RFC3: variants seen among roughly 807,000 people sequenced by gnomAD.
RFC3 encodes the protein A1 38 kDa subunit.
In RFC3, 41 loss-of-function variants were observed where a neutral mutation model predicts 45.1. The observed-to-expected ratio is 0.91, with a 90% confidence interval of 0.71 to 1.18. RFC3 has a LOEUF of 1.18. Among genes scored for constraint, RFC3 ranks in the 50% most tolerant of loss-of-function variants. RFC3 has a pLI of 0.00. For synonymous variants in RFC3, 149 were observed against 144.0 expected (o/e 1.03, Z -0.25); for missense variants, 423 against 428.1 (o/e 0.99, Z 0.10).
intron 8 of RFC3, among the ~76,000 whole-genome samples, chr13:33,862,617 A>G (rs2082348352): frequency 6.6e-6 from 1 of 152,188 alleles, no homozygotes; most frequent in African/African-American, 2.4e-5. Flanking sequence ...GTTAAAATAT[A>G]CAGGTAAATA....
At chr13:33,966,009 C>G in intron 8 of RFC3, 1 of 1,056,714 alleles carries the variant, frequency 9.5e-7, no homozygotes, top group Non-Finnish European at 1.5e-6. Context: ...ATTACACATC[C>G]TTTGTATCCT....
chr13:33,839,711 G>A (rs556795692), downstream of RFC3, among the ~76,000 whole-genome samples: 4 of 152,120 alleles, frequency 2.6e-5, no homozygotes, highest in Non-Finnish European at 5.9e-5. Context: ...CATTGCTTTT[G>A]TAGACTCAAA....
chr13:33,884,214 C>A (rs2082505130), intron 8 of RFC3, among the ~76,000 whole-genome samples: 1 of 152,228 alleles, frequency 6.6e-6, no homozygotes, highest in Non-Finnish European at 1.5e-5. Context: ...AAACTCTATT[C>A]TCGACCTCTC....
At chr13:33,868,199 A>G (rs1566008906) in intron 8 of RFC3, among the ~76,000 whole-genome samples, 1 of 152,136 alleles carries the variant, frequency 6.6e-6, no homozygotes, top group African/African-American at 2.4e-5. Flanking sequence ...GACATCAGCT[A>G]TTGTTCGGAA....
intron 4 of RFC3, 125 bp from the exon 5 acceptor site, chr13:33,829,711 T>G: frequency 1.4e-6 from 1 of 730,620 alleles, no homozygotes; most frequent in Admixed American, 2.5e-5. Flanking sequence ...TCTTTGCCAA[T>G]GGGAAGAGTA....
At chr13:33,833,120 G>A (rs1189865879) in intron 7 of RFC3, among the ~76,000 whole-genome samples, 1 of 152,124 alleles carries the variant, frequency 6.6e-6, no homozygotes, top group Non-Finnish European at 1.5e-5. Context: ...GGGCTGGCCA[G>A]AAATCCTGGA....
rs921541406 is a variant in RFC3, at chr13:33,924,541, G to C, written c.880-41546G>C. 2.0e-5 allele frequency among the ~76,000 whole-genome samples: 3 copies of C among 151,428 alleles called. No homozygotes were observed. The East Asian group carries it at 5.8e-4, about 29-fold the overall frequency. ...GCAAGGCCTGAAACATTTACTGTTT[G>C]GCCCTATATATAAAAAGTTTGCTTC... On this transcript the variant is annotated intron_variant, in intron 8 of 8. Transcript: ENST00000434425.
chr13:33,951,108 A>T (rs1233980949), intron 8 of RFC3, among the ~76,000 whole-genome samples: 2 of 140,358 alleles, frequency 1.4e-5, no homozygotes, highest in Admixed American at 1.5e-4. Context: ...TTTGGTGGTA[A>T]ATCACTCTCT....
chr13:33,914,377 A>G (rs555478040), intron 8 of RFC3, among the ~76,000 whole-genome samples: 97 of 152,238 alleles, frequency 6.4e-4, no homozygotes, highest in African/African-American at 2.1e-3. Context: ...CTTTCATGCA[A>G]ACTTTCTTCT....
intron 4 of RFC3, among the ~76,000 whole-genome samples, chr13:33,826,641 T>C (rs2082051719): frequency 6.6e-6 from 1 of 152,184 alleles, no homozygotes; most frequent in Non-Finnish European, 1.5e-5. Flanking sequence ...TGGAGTCTTA[T>C]ATTTTCTGAA....
chr13:33,948,275 G>A (rs2082966794), intron 8 of RFC3, among the ~76,000 whole-genome samples: 1 of 152,224 alleles, frequency 6.6e-6, no homozygotes, highest in African/African-American at 2.4e-5. Context: ...GAGGGTTCAA[G>A]CTTTAAGCCT....
the RFC3 span, among the ~76,000 whole-genome samples, chr13:33,975,798 T>C: frequency 6.6e-6 from 1 of 152,194 alleles, no homozygotes; most frequent in African/African-American, 2.4e-5. Context: ...ACATGTATAC[T>C]AGAATTGAAC....
intron 8 of RFC3, among the ~76,000 whole-genome samples, chr13:33,942,471 A>G (rs577247913): frequency 6.6e-6 from 1 of 152,242 alleles, no homozygotes; most frequent in South Asian, 2.1e-4. Flanking sequence ...TGTGTTAGGA[A>G]CATTCCATAC....
At chr13:33,928,785 A>G (rs2082832668) in intron 8 of RFC3, among the ~76,000 whole-genome samples, 2 of 151,998 alleles carry the variant, frequency 1.3e-5, no homozygotes, top group African/African-American at 4.8e-5. Context: ...CTAGGCAGGT[A>G]TATGTCTGTT....
At chr13:33,881,233 T>C (rs2082481561) in intron 8 of RFC3, among the ~76,000 whole-genome samples, 1 of 152,210 alleles carries the variant, frequency 6.6e-6, no homozygotes, top group Admixed American at 6.5e-5. Flanking sequence ...GTCATTTTGG[T>C]TCATGCTGAT....
rs373471019 is a variant in RFC3, at chr13:33,818,358, A to T, written c.87+93A>T. The stretch of plus-strand genomic sequence containing the variant: ...GAGGAGCAGTGCTTCTCCCGCCCGC[A>T]TTGGAAGGTGATAAGTGCTATGGAG... On this transcript the variant is annotated intron_variant, in intron 1 of 8. Coordinates refer to ENST00000380071, the MANE Select transcript of RFC3 (RefSeq NM_002915.4). 5 of 972,586 alleles carry T rather than the reference A, an allele frequency of 5.1e-6. No individual in the cohort carries two copies. The East Asian group carries it at 1.2e-4, about 24-fold the overall frequency. 60.2% of individuals were successfully genotyped at this position (972,586 alleles called of 1,614,324 possible).
intron 8 of RFC3, among the ~76,000 whole-genome samples, chr13:33,863,684 G>A (rs1357963976): frequency 6.6e-6 from 1 of 152,212 alleles, no homozygotes; most frequent in Admixed American, 6.5e-5. Context: ...GCTTGATACT[G>A]CGTGGATACA....
chr13:33,843,456 G>T (rs9528212), intron 8 of RFC3, among the ~76,000 whole-genome samples: 134,406 of 152,206 alleles, frequency 0.88, 59,707 homozygotes, highest in Non-Finnish European at 0.94. Context: ...ATTAGCTGAT[G>T]GCCCACTGAA....
At chr13:33,833,504 T>G (rs2139418361) in intron 7 of RFC3, among the ~76,000 whole-genome samples, 1 of 152,210 alleles carries the variant, frequency 6.6e-6, no homozygotes, top group Admixed American at 6.5e-5. Flanking sequence ...TGTAAGCTAT[T>G]AGGAAATAAT....
Sources: allele counts gnomAD v4.1 joint callset (sites outside exome capture counted in the v4.1 genomes callset), GRCh38; gene constraint gnomAD v4.1.1; transcripts MANE v1.5; gene names NCBI Gene and HGNC (gene_info 2026-07-23, HGNC 2026-07-21).